Variants in RIMS2 observed in about 807,000 individuals in gnomAD.
The protein encoded by RIMS2 is regulating synaptic membrane exocytosis protein 2.
In RIMS2, 59 loss-of-function variants were observed where a neutral mutation model predicts 174.4. The observed-to-expected ratio is 0.34, with a 90% confidence interval of 0.27 to 0.42. The LOEUF (loss-of-function observed/expected upper bound fraction) is 0.42. RIMS2 is among the 10% of genes least tolerant of loss of function. The pLI is 1.00. For synonymous variants in RIMS2, 606 were observed against 572.5 expected (o/e 1.06, Z -0.84); for missense variants, 1,620 against 1,666.3 (o/e 0.97, Z 0.48).
chr8:104,068,802 A>G (rs1199621302), intron 19 of RIMS2, among the ~76,000 whole-genome samples, 190 bp downstream of exon 23: 1 of 152,232 alleles, frequency 6.6e-6, no homozygotes. Context: ...ACTTAAAAAA[A>G]CTATTATAAA....
At chr8:103,886,248 G>T in intron 4 of RIMS2, 25 bp downstream of exon 7, 1 of 1,571,900 alleles carries the variant, frequency 6.4e-7, no homozygotes. Flanking sequence ...CATACATTTT[G>T]CTGTAATTGA....
chr8:103,768,356 A>G, intron 3 of RIMS2: 1 of 716,726 alleles, frequency 1.4e-6, no homozygotes, highest in South Asian at 1.5e-5. Flanking sequence ...CAAACTCTGC[A>G]CTTTTTATGA....
intron 3 of RIMS2, among the ~76,000 whole-genome samples, chr8:103,812,341 T>TTTTG (rs1554843396): frequency 2.0e-5 from 3 of 146,348 alleles, no homozygotes; most frequent in East Asian, 2.1e-4. Flanking sequence ...GTTTTTTTTT[T>TTTTG]TTTTTTTTTT....
At chr8:103,762,746 G>C (rs1487397510) in intron 2 of RIMS2, among the ~76,000 whole-genome samples, 1 of 152,090 alleles carries the variant, frequency 6.6e-6, no homozygotes, top group Non-Finnish European at 1.5e-5. Context: ...ATTTTGTCAT[G>C]CTAACATCAT....
chr8:103,796,690 G>T (rs1024160401), intron 3 of RIMS2, among the ~76,000 whole-genome samples: 1 of 152,092 alleles, frequency 6.6e-6, no homozygotes, highest in African/African-American at 2.4e-5. Context: ...AATATTTATT[G>T]AGTATTGATT....
chr8:103,955,097 G>A (rs2086721602), intron 14 of RIMS2, among the ~76,000 whole-genome samples: 1 of 152,080 alleles, frequency 6.6e-6, no homozygotes, highest in Non-Finnish European at 1.5e-5. Flanking sequence ...TGAAATTGAG[G>A]CAGCAATTAA....
intron 2 of RIMS2, among the ~76,000 whole-genome samples, chr8:103,741,864 A>G (rs1232269325): frequency 6.6e-6 from 1 of 152,110 alleles, no homozygotes; most frequent in East Asian, 1.9e-4. Flanking sequence ...AATCAGCCAC[A>G]TGAAACTTTC....
intron 19 of RIMS2, among the ~76,000 whole-genome samples, chr8:104,232,382 A>G (rs1412593034): frequency 6.6e-6 from 1 of 152,226 alleles, no homozygotes; most frequent in Non-Finnish European, 1.5e-5. Context: ...ATATTTTTCT[A>G]TCATACATTA....
intron 19 of RIMS2, among the ~76,000 whole-genome samples, chr8:104,133,019 G>A (rs2098485325): frequency 6.6e-6 from 1 of 152,096 alleles, no homozygotes; most frequent in Admixed American, 6.6e-5. Flanking sequence ...CTAAGCTAAG[G>A]GGAATTCGTA....
At chr8:103,501,020 A>G in exon 1 of RIMS2, 1 of 1,610,782 alleles carries the variant, frequency 6.2e-7, no homozygotes, top group Non-Finnish European at 8.5e-7. Context: ...GCCGTCATGG[A>G]TAGGCAGAAG....
chr8:104,076,986 T>G (rs2097306624), intron 19 of RIMS2, among the ~76,000 whole-genome samples: 1 of 151,984 alleles, frequency 6.6e-6, no homozygotes, highest in Admixed American at 6.6e-5. Flanking sequence ...CCAGCTAATT[T>G]TTTTGTCGTT....
intron 1 of RIMS2, among the ~76,000 whole-genome samples, chr8:103,531,133 T>C (rs935289796): frequency 6.6e-6 from 1 of 151,890 alleles, no homozygotes; most frequent in African/African-American, 2.4e-5. Context: ...ATGCTGGACT[T>C]TACCAGCATA....
rs550234642 is a variant in RIMS2, at chr8:104,223,454, A to G, written c.3335-21462A>G. ...ATCTCCTCCTCTGGACCCCTCTCCA[A>G]TAAATTGGAGGTCCCGGCGGCCAGG... On this transcript the variant is annotated intron_variant, in intron 19 of 23. Transcript: ENST00000504942. The G allele has an allele frequency of 4.3e-5, 59 of 1,374,114 alleles. 1 individual carries two copies. In the East Asian group the frequency reaches 7.4e-4, roughly 17 times the overall value. 85.1% of individuals were successfully genotyped at this position (1,374,114 alleles called of 1,614,324 possible). A position where few individuals can be genotyped will look rare whatever the true frequency, so the allele number is the denominator to read the frequency against.
chr8:103,624,870 GATAC>G lies in RIMS2; in HGVS notation c.177-72202_177-72199del, dbSNP rs35806731. 7.9e-5 allele frequency among the ~76,000 whole-genome samples: 12 copies of G among 151,784 alleles called. No homozygotes were observed. In the East Asian group the frequency reaches 1.9e-3, roughly 24 times the overall value. On this transcript the variant is annotated intron_variant, in intron 1 of 23. Coordinates refer to ENST00000504942, the Ensembl canonical transcript of RIMS2. The stretch of plus-strand genomic sequence containing the variant: ...TGATTTTAACCAATGAATATTTACA[GATAC>G]ATACATACATACACACAAAAATAAA...
chr8:103,591,300 T>C (rs1226034660), intron 1 of RIMS2, among the ~76,000 whole-genome samples: 1 of 151,164 alleles, frequency 6.6e-6, no homozygotes, highest in Non-Finnish European at 1.5e-5. Flanking sequence ...TGTTTATTCA[T>C]GCTGGATATG....
intron 3 of RIMS2, among the ~76,000 whole-genome samples, chr8:103,788,855 C>T (rs1158824098): frequency 2.0e-5 from 3 of 151,254 alleles, no homozygotes; most frequent in Middle Eastern, 3.2e-3. Flanking sequence ...CAATGGCGGG[C>T]GCCCCTCCCC....
intron 19 of RIMS2, among the ~76,000 whole-genome samples, chr8:104,211,937 C>G (rs1228320552): frequency 2.0e-5 from 3 of 151,966 alleles, no homozygotes; most frequent in Middle Eastern, 3.2e-3. Flanking sequence ...GAAGTAGGAT[C>G]GACAGAATTT....
chr8:104,243,077 T>C (rs1406177322), intron 19 of RIMS2, among the ~76,000 whole-genome samples: 1 of 152,224 alleles, frequency 6.6e-6, no homozygotes, highest in Non-Finnish European at 1.5e-5. Flanking sequence ...TTACATTTAC[T>C]AATATTCTGC....
intron 1 of RIMS2, among the ~76,000 whole-genome samples, chr8:103,562,104 C>A (rs1405882321): frequency 6.6e-6 from 1 of 152,192 alleles, no homozygotes; most frequent in Non-Finnish European, 1.5e-5. Flanking sequence ...GGTGAGGAAA[C>A]AACCAAACCA....
Sources: gnomAD v4.1 joint callset for allele counts (sites outside exome capture counted in the v4.1 genomes callset) on GRCh38, gnomAD v4.1.1 for gene constraint, MANE v1.5 for transcripts, NCBI Gene and HGNC (gene_info 2026-07-23, HGNC 2026-07-21) for gene names.